CLTCL1: variants seen among roughly 807,000 people sequenced by gnomAD.
CLTCL1 encodes clathrin heavy chain 2.
A neutral mutation model predicts 190.0 loss-of-function variants in CLTCL1; 159 were observed. The ratio of observed to expected loss-of-function variants is 0.84; its 90% CI spans 0.74 to 0.95. CLTCL1 has a LOEUF of 0.95. CLTCL1 is among the 40% of genes least tolerant of loss of function. CLTCL1 has a pLI of 0.00. For synonymous variants in CLTCL1, 752 were observed against 769.6 expected (o/e 0.98, Z 0.38); for missense variants, 1,878 against 2,033.4 (o/e 0.92, Z 1.47).
At chr22:19,270,065 C>T (rs1449584006) in intron 2 of CLTCL1, among the ~76,000 whole-genome samples, 8 of 151,886 alleles carry the variant, frequency 5.3e-5, no homozygotes, top group Non-Finnish European at 1.2e-4. Context: ...TGGAAACAAT[C>T]CAAATGTCCA....
At chr22:19,264,857 A>C (rs1456219460) in intron 2 of CLTCL1, among the ~76,000 whole-genome samples, 1 of 151,858 alleles carries the variant, frequency 6.6e-6, no homozygotes, top group Non-Finnish European at 1.5e-5. Flanking sequence ...GGGTCGATCT[A>C]GGTTCATTGC....
chr22:19,276,828 C>T (rs1418143244), intron 1 of CLTCL1, among the ~76,000 whole-genome samples: 1 of 152,128 alleles, frequency 6.6e-6, no homozygotes, highest in Non-Finnish European at 1.5e-5. Context: ...CGCCACCACG[C>T]CTGGCTATTT....
rs185798179 is a variant in CLTCL1 at position 19,240,728 on chromosome 22, G to C, written c.682-1340C>G. Among the ~76,000 whole-genome samples the C allele has an allele frequency of 2.0e-5, 3 of 152,314 alleles. No individual in the cohort carries two copies. The East Asian group carries it at 5.8e-4, about 29-fold the overall frequency. Reference sequence around the variant, plus strand: ...AGAAAGGCTTAGTGTACCACAAAAGGGTAAGTCAGATGTGGGACTTGTTAA... The same window carrying C: ...AGAAAGGCTTAGTGTACCACAAAAGCGTAAGTCAGATGTGGGACTTGTTAA... On this transcript the variant is annotated intron_variant, in intron 4 of 32. Transcript: ENST00000427926.
At chr22:19,225,398 C>G (rs2085708455) in intron 13 of CLTCL1, 55 bp downstream of exon 13, 2 of 1,488,598 alleles carry the variant, frequency 1.3e-6, no homozygotes, top group Non-Finnish European at 1.8e-6. Flanking sequence ...GCAGCAACAC[C>G]TGAGAAAGGA....
At chr22:19,252,091 T>C (rs1232101199) in intron 3 of CLTCL1, among the ~76,000 whole-genome samples, 1 of 152,204 alleles carries the variant, frequency 6.6e-6, no homozygotes, top group African/African-American at 2.4e-5. Context: ...TGTTTGCGTA[T>C]TCTTAACCTT....
Position 19,219,941 on chromosome 22 carries a change from G to C in CLTCL1, c.2863C>G (p.Leu955Val). 1.2e-6 allele frequency: 2 copies of C among 1,614,048 alleles called. No individual in the cohort carries two copies. Among genetic ancestry groups the C allele is most frequent in the Non-Finnish European group, 1.7e-6 (2 of 1,179,904 alleles). ...GTCTCCTCAAGGACGTGAGCCCAGA[G>C]CTCCGGATCCTTTCTGCATACCAGG... ...RYLVCRKDPELWAHVLEETNP... is the reference protein window; with the variant it reads ...RYLVCRKDPEVWAHVLEETNP... The change falls in exon 18 of 33, where the codon CTC becomes GTC. Residue 955 changes from leucine to valine, a missense_variant. Coordinates refer to ENST00000427926, the MANE Select transcript of CLTCL1 (RefSeq NM_007098.4).
chr22:19,219,137 G>A (rs1171580286), intron 18 of CLTCL1, among the ~76,000 whole-genome samples: 1 of 151,832 alleles, frequency 6.6e-6, no homozygotes, highest in Non-Finnish European at 1.5e-5. Context: ...CAGGGGAGAA[G>A]GTTCGTAAGG....
intron 11 of CLTCL1, among the ~76,000 whole-genome samples, chr22:19,229,571 T>C (rs1356230773): frequency 2.0e-5 from 3 of 152,156 alleles, no homozygotes; most frequent in African/African-American, 4.8e-5. Context: ...GTTAAAATGG[T>C]AAATTTGGTT....
Position 19,225,462 on chromosome 22 carries a change from T to C in CLTCL1, c.2119A>G (p.Ser707Gly), listed in dbSNP as rs782211864. The change falls in exon 13 of 33, where the codon AGT (serine) becomes GGT (glycine). Residue 707 changes from serine to glycine, a missense_variant. Physicochemically the swap from Ser to Gly is moderately conservative, Grantham distance 56 (BLOSUM62 0). Coordinates refer to ENST00000427926, the MANE Select transcript of CLTCL1 (RefSeq NM_007098.4). ...ALVELFESFK[S>G]YKGLFYFLGS... ...AGGCTGCATGGTTTACCTTTGTAAC[T>C]CTTGAAGGATTCAAAGAGCTCCACC... 7.0e-6 allele frequency: 11 copies of C among 1,581,906 alleles called. No individual in the cohort carries two copies. The highest frequency in any genetic ancestry group is 8.6e-6 in the Non-Finnish European group (10 of 1,163,298).
chr22:19,215,534 G>A (rs555473420), intron 19 of CLTCL1, among the ~76,000 whole-genome samples: 2 of 152,180 alleles, frequency 1.3e-5, no homozygotes, highest in South Asian at 4.1e-4. Context: ...GGTCCATGCC[G>A]AAACACACAC....
At chr22:19,256,354 C>CTTTTTTTTTTTTTTTTTTTTTTTTTT (rs1239133099) in intron 2 of CLTCL1, among the ~76,000 whole-genome samples, 1 of 104,342 alleles carries the variant, frequency 9.6e-6, no homozygotes, top group Non-Finnish European at 1.9e-5. Context: ...TTTCTTTTAT[C>CTTTTTTTTTTTTTTTTTTTTTTTTTT]TTTTTTTTTT....
At chr22:19,212,797 T>C (rs1030818542) in intron 19 of CLTCL1, among the ~76,000 whole-genome samples, 7 of 152,180 alleles carry the variant, frequency 4.6e-5, no homozygotes, top group Non-Finnish European at 1.0e-4. Flanking sequence ...TGGACATTCA[T>C]ATGCAAAAAG....
At chr22:19,222,368 T>C (rs895324393) in intron 15 of CLTCL1, among the ~76,000 whole-genome samples, 5 of 152,184 alleles carry the variant, frequency 3.3e-5, no homozygotes, top group East Asian at 1.9e-4. Flanking sequence ...GGAGTGCACA[T>C]GCACAGAGGA....
At chr22:19,250,613 G>A (rs1041165794) in intron 3 of CLTCL1, among the ~76,000 whole-genome samples, 15 of 151,722 alleles carry the variant, frequency 9.9e-5, no homozygotes, top group Non-Finnish European at 1.6e-4. Flanking sequence ...GAGTGTAGTG[G>A]TGCAATCTCA....
chr22:19,189,220 A>G (rs2084413441), intron 27 of CLTCL1, among the ~76,000 whole-genome samples: 1 of 152,218 alleles, frequency 6.6e-6, no homozygotes, highest in South Asian at 2.1e-4. Flanking sequence ...TCTTAAAATA[A>G]GACATCAATG....
intron 2 of CLTCL1, among the ~76,000 whole-genome samples, chr22:19,263,142 A>T (rs1303304316): frequency 1.3e-5 from 2 of 151,712 alleles, no homozygotes; most frequent in Non-Finnish European, 2.9e-5. Flanking sequence ...TTTGAGACAG[A>T]GTCTCTCTCT....
chr22:19,277,832 C>T (rs2087570585), intron 1 of CLTCL1, among the ~76,000 whole-genome samples: 1 of 152,092 alleles, frequency 6.6e-6, no homozygotes, highest in Non-Finnish European at 1.5e-5. Flanking sequence ...GTATCAGATC[C>T]CACAGGTTGA....
At chr22:19,268,012 G>GT (rs1569242076) in intron 2 of CLTCL1, among the ~76,000 whole-genome samples, 1 of 152,054 alleles carries the variant, frequency 6.6e-6, no homozygotes, top group African/African-American at 2.4e-5. Context: ...ATCAAAATTA[G>GT]TAAGTTTTGC....
chr22:19,239,329 T>C lies in CLTCL1; in HGVS notation c.741A>G (p.Ala247=). The change falls in exon 5 of 33, where the codon GCA becomes GCG. Residue 247 remains alanine (A), a synonymous_variant. Transcript: ENST00000427926. ...CCTCTGGAGGAAAAAACACATCTAC[T>C]GCTTTCTTTACAAAAGGTTGGTTTC... The part of the protein sequence containing the change: ...AAGNQPFVKK[A]VDVFFPPEAQ... The C allele has an allele frequency of 6.2e-7, 1 of 1,614,054 alleles. No individual in the cohort carries two copies. The highest frequency in any genetic ancestry group is 8.5e-7 in the Non-Finnish European group (1 of 1,179,900).
Sources: allele counts gnomAD v4.1 joint callset (sites outside exome capture counted in the v4.1 genomes callset), GRCh38; gene constraint gnomAD v4.1.1; transcripts MANE v1.5; gene names NCBI Gene and HGNC (gene_info 2026-07-23, HGNC 2026-07-21).